GNAL: variants seen among roughly 807,000 people sequenced by gnomAD.
GNAL encodes the protein G protein subunit alpha L, also known as guanine nucleotide-binding protein G(olf) subunit alpha.
GNAL carries 18 observed loss-of-function variants against 55.1 expected under a neutral mutation model. That is an observed-to-expected ratio of 0.33 (90% CI 0.23 to 0.48). GNAL has a LOEUF of 0.48. Among genes scored for constraint, GNAL ranks in the 20% least tolerant of loss-of-function variants. The pLI, the probability that GNAL is intolerant of heterozygous loss-of-function variation, is 0.99. For synonymous variants in GNAL, 253 were observed against 237.0 expected, an observed-to-expected ratio of 1.07 and a Z score of -0.62; for missense variants, 412 against 614.1, an observed-to-expected ratio of 0.67 and a Z score of 3.48.
At chr18:11,737,508 C>T (rs575512895) in intron 1 of GNAL, among the ~76,000 whole-genome samples, 24 of 152,288 alleles carry the variant, frequency 1.6e-4, no homozygotes, top group Admixed American at 1.3e-3. Context: ...GGCTGCACCT[C>T]GGGGTCTCTG....
chr18:11,791,426 G>A (rs1019612340), intron 4 of GNAL, among the ~76,000 whole-genome samples: 1 of 152,180 alleles, frequency 6.6e-6, no homozygotes, highest in African/African-American at 2.4e-5. Context: ...CATAAGGGAT[G>A]CTTTTTGCCT....
In GNAL at chr18:11,826,081, T is replaced by G. The variant is rs564389416; in HGVS notation, c.722+1066T>G. On this transcript the variant is annotated intron_variant, in intron 5 of 11. Transcript: ENST00000334049. ...AGTATTTGGAACCAATCAGTGGAGCTGCATTGTGAATGTTGATTTCCAGGA... is the reference window on the plus strand; with the variant it reads ...AGTATTTGGAACCAATCAGTGGAGCGGCATTGTGAATGTTGATTTCCAGGA... Among the ~76,000 whole-genome samples the G allele has an allele frequency of 2.6e-5, 4 of 152,304 alleles. No individual in the cohort carries two copies. In the South Asian group the frequency reaches 8.3e-4, roughly 32 times the overall value.
chr18:11,748,831 C>T (rs770746741), intron 1 of GNAL, among the ~76,000 whole-genome samples: 2 of 152,094 alleles, frequency 1.3e-5, no homozygotes, highest in Non-Finnish European at 2.9e-5. Context: ...AGCACAGACA[C>T]ATACATTTTC....
intron 11 of GNAL, among the ~76,000 whole-genome samples, chr18:11,880,482 G>A (rs2036652332): frequency 6.6e-6 from 1 of 151,888 alleles, no homozygotes; most frequent in African/African-American, 2.4e-5. Flanking sequence ...GGCTGAGGCA[G>A]GAGAATCCCT....
intron 4 of GNAL, among the ~76,000 whole-genome samples, chr18:11,817,307 A>T (rs1201002973): frequency 6.6e-6 from 1 of 152,158 alleles, no homozygotes; most frequent in African/African-American, 2.4e-5. Context: ...TCCAGGTTTG[A>T]CCACTTCCTA....
At chr18:11,728,184 A>C (rs1404625316) in intron 1 of GNAL, among the ~76,000 whole-genome samples, 2 of 152,140 alleles carry the variant, frequency 1.3e-5, no homozygotes, top group Non-Finnish European at 2.9e-5. Context: ...ACTCCACTCC[A>C]GCCTGGGTAA....
chr18:11,770,980 C>G (rs1163679029), intron 4 of GNAL, among the ~76,000 whole-genome samples: 2 of 151,804 alleles, frequency 1.3e-5, no homozygotes, highest in Admixed American at 1.3e-4. Flanking sequence ...TTAGGGAGGC[C>G]AAGGCAGGTG....
chr18:11,712,549 C>T (rs2031862917), intron 1 of GNAL, among the ~76,000 whole-genome samples: 1 of 152,154 alleles, frequency 6.6e-6, no homozygotes, highest in Non-Finnish European at 1.5e-5. Context: ...GCTGACATCA[C>T]TCTCAAAAAT....
In GNAL at chr18:11,883,192, C is replaced by G. The variant is rs1009013794; in HGVS notation, c.*2057C>G. ...AACTTTATAGACAGTCAGTGCAACACACACATTTTATCTCATCACCGTCTT... is the reference window on the plus strand; with the variant it reads ...AACTTTATAGACAGTCAGTGCAACAGACACATTTTATCTCATCACCGTCTT... On this transcript the variant is annotated 3_prime_UTR_variant, in exon 12 of 12. Transcript: ENST00000334049. 1.3e-5 allele frequency: 2 copies of G among 150,604 alleles called. No homozygotes were observed. Among genetic ancestry groups the G allele is most frequent in the Admixed American group, 1.3e-4 (2 of 15,204 alleles). The allele number at this position is 150,604 out of a possible 1,614,324, so 9.3% of individuals were successfully genotyped here.
In GNAL at chr18:11,883,362, G is replaced by T. The variant is rs2036765277; in HGVS notation, c.*2227G>T. 6.5e-6 allele frequency: 1 copy of T among 153,192 alleles called. No homozygotes were observed. The highest frequency in any genetic ancestry group is 1.5e-5 in the Non-Finnish European group (1 of 68,042). 9.5% of individuals were successfully genotyped at this position (153,192 alleles called of 1,614,324 possible). On this transcript the variant is annotated 3_prime_UTR_variant, in exon 12 of 12. Transcript: ENST00000334049. ...CACCCCCAGCAAGAAAGGGAAGTAT[G>T]CTGTTGTATGCATCATTACTCAACA...
At chr18:11,860,490 T>C (rs2036106969) in intron 5 of GNAL, among the ~76,000 whole-genome samples, 1 of 152,218 alleles carries the variant, frequency 6.6e-6, no homozygotes, top group Non-Finnish European at 1.5e-5. Context: ...GTTCTGTAGC[T>C]GAGTGAACTA....
intron 4 of GNAL, among the ~76,000 whole-genome samples, chr18:11,777,568 G>C (rs1055883386): frequency 6.6e-6 from 1 of 152,224 alleles, no homozygotes; most frequent in African/African-American, 2.4e-5. Flanking sequence ...TTGATGAAAA[G>C]AGGCTTCAAA....
intron 4 of GNAL, among the ~76,000 whole-genome samples, chr18:11,797,736 G>T (rs2034427357): frequency 6.8e-6 from 1 of 147,612 alleles, no homozygotes; most frequent in Non-Finnish European, 1.5e-5. Flanking sequence ...TCCCCTTTGG[G>T]TGACAGAGAG....
At chr18:11,798,826 C>T (rs773949788) in intron 4 of GNAL, among the ~76,000 whole-genome samples, 4 of 151,890 alleles carry the variant, frequency 2.6e-5, no homozygotes, top group Admixed American at 6.6e-5. Flanking sequence ...GTTTAACATA[C>T]GTTAAATGGG....
chr18:11,803,843 A>AGCG (rs1368031234), intron 4 of GNAL, among the ~76,000 whole-genome samples: 1 of 151,816 alleles, frequency 6.6e-6, no homozygotes, highest in East Asian at 1.9e-4. Flanking sequence ...GATACTGTGT[A>AGCG]GTGGTGAAGT....
chr18:11,725,839 A>G (rs2032199771), intron 1 of GNAL, among the ~76,000 whole-genome samples: 1 of 152,242 alleles, frequency 6.6e-6, no homozygotes, highest in Non-Finnish European at 1.5e-5. Context: ...TTAGCTTTGC[A>G]GGAAACTACC....
intron 1 of GNAL, among the ~76,000 whole-genome samples, chr18:11,737,358 G>A (rs1410169949): frequency 2.0e-5 from 3 of 152,132 alleles, no homozygotes; most frequent in Non-Finnish European, 4.4e-5. Flanking sequence ...TTGTTTTCTA[G>A]TCAAATTCTA....
At chr18:11,755,028 G>GTGTGTA (rs2033000315) in intron 4 of GNAL, among the ~76,000 whole-genome samples, 1 of 136,600 alleles carries the variant, frequency 7.3e-6, no homozygotes, top group African/African-American at 2.6e-5. Context: ...GTGTGTGTGT[G>GTGTGTA]TATGTGTATT....
chr18:11,850,418 C>T (rs575790087), intron 5 of GNAL, among the ~76,000 whole-genome samples: 3 of 152,320 alleles, frequency 2.0e-5, no homozygotes, highest in Non-Finnish European at 4.4e-5. Context: ...AGTTCATTTT[C>T]AGCCTACCTC....
Sources: gnomAD v4.1 joint callset for allele counts (sites outside exome capture counted in the v4.1 genomes callset) on GRCh38, gnomAD v4.1.1 for gene constraint, MANE v1.5 for transcripts, NCBI Gene and HGNC (gene_info 2026-07-23, HGNC 2026-07-21) for gene names.